PAWR: variants seen among roughly 807,000 people sequenced by gnomAD.
PAWR encodes PRKC apoptosis WT1 regulator protein.
Under a neutral mutation model 32.0 loss-of-function variants are expected in PAWR, and 23 were observed. The ratio of observed to expected loss-of-function variants is 0.72; its 90% confidence interval spans 0.52 to 1.02. PAWR has a LOEUF of 1.02. Among genes scored for constraint, PAWR ranks in the 50% least tolerant of loss-of-function variants. PAWR has a pLI of 0.00. For missense variants in PAWR, 457 were observed against 437.7 expected (o/e 1.04, Z -0.39); for synonymous variants, 226 against 187.1 (o/e 1.21, Z -1.70).
intron 3 of PAWR, among the ~76,000 whole-genome samples, 176 bp downstream of exon 3, chr12:79,620,900 T>C (rs1308575195): frequency 6.6e-6 from 1 of 151,722 alleles, no homozygotes; most frequent in Non-Finnish European, 1.5e-5. Context: ...GTGAAGAGAG[T>C]GTTCATGCTT....
intron 2 of PAWR, among the ~76,000 whole-genome samples, chr12:79,646,388 T>C (rs904613204): frequency 6.6e-6 from 1 of 152,178 alleles, no homozygotes; most frequent in African/African-American, 2.4e-5. Flanking sequence ...GAGACATCAG[T>C]AATAGTCAAG....
chr12:79,623,624 A>G (rs1419893186), intron 2 of PAWR, among the ~76,000 whole-genome samples: 1 of 135,770 alleles, frequency 7.4e-6, no homozygotes, highest in Non-Finnish European at 1.5e-5. Flanking sequence ...GCATGAAAAA[A>G]GCTATAAGAC....
At chr12:79,618,542 A>G (rs1185364204) in intron 3 of PAWR, among the ~76,000 whole-genome samples, 1 of 152,116 alleles carries the variant, frequency 6.6e-6, no homozygotes, top group African/African-American at 2.4e-5. Flanking sequence ...TATTCCTCCT[A>G]TCTAACTGTA....
chr12:79,613,952 T>C (rs1464267350), intron 3 of PAWR, among the ~76,000 whole-genome samples: 22 of 5,658 alleles, frequency 3.9e-3, no homozygotes, highest in African/African-American at 0.021. Flanking sequence ...TATATATATA[T>C]ATATATATAT....
chr12:79,683,738 T>C (rs975035853), intron 2 of PAWR, among the ~76,000 whole-genome samples: 4 of 152,174 alleles, frequency 2.6e-5, no homozygotes, highest in Non-Finnish European at 5.9e-5. Flanking sequence ...TGTTAGGTTT[T>C]TGCAAAAGTA....
Position 79,607,295 on chromosome 12 carries a change from AAAAG to A in PAWR, c.683+6276_683+6279del, listed in dbSNP as rs547878098. 1.1e-3 allele frequency among the ~76,000 whole-genome samples: 171 copies of A among 152,268 alleles called. 1 individual carries two copies. The highest frequency in any genetic ancestry group is 3.8e-3 in the African/African-American group (157 of 41,554). On this transcript the variant is annotated intron_variant, in intron 4 of 6. Transcript: ENST00000328827. Reference sequence around the variant, plus strand: ...CACAGTGAGACTCTGTCTTTAAAAAAAAAGAAAGAAAGAATAGATCTTGAAAGGA... The same window carrying A: ...CACAGTGAGACTCTGTCTTTAAAAAAAAAGAAAGAATAGATCTTGAAAGGA...
In PAWR at chr12:79,645,065, C is replaced by A. The variant is rs995168982; in HGVS notation, c.517-23858G>T. Among the ~76,000 whole-genome samples, 7 of 151,782 alleles carry A rather than the reference C, an allele frequency of 4.6e-5. No homozygotes were observed. The East Asian group carries it at 7.7e-4, about 17-fold the overall frequency. ...ACACACACACACACACACACACACA[C>A]ACAAAAATCAATGTGGAATAGGAAA... On this transcript the variant is annotated intron_variant, in intron 2 of 6. Coordinates refer to ENST00000328827, the MANE Select transcript of PAWR (RefSeq NM_002583.4).
chr12:79,629,434 C>T (rs1371053663), intron 2 of PAWR, among the ~76,000 whole-genome samples: 1 of 151,878 alleles, frequency 6.6e-6, no homozygotes. Context: ...ATCCAGAAGA[C>T]ACAGTTTTTA....
At chr12:79,687,399 C>T (rs1322939035) in intron 2 of PAWR, among the ~76,000 whole-genome samples, 2 of 152,112 alleles carry the variant, frequency 1.3e-5, no homozygotes, top group African/African-American at 2.4e-5. Flanking sequence ...ATAAGTACTT[C>T]CTTGAAGGAA....
intron 4 of PAWR, among the ~76,000 whole-genome samples, chr12:79,612,905 G>A (rs748863092): frequency 6.6e-6 from 1 of 152,306 alleles, no homozygotes; most frequent in Admixed American, 6.5e-5. Flanking sequence ...TACTCATTGT[G>A]TACAGGTGGT....
At chr12:79,668,320 C>T (rs1877712128) in intron 2 of PAWR, 1 of 152,242 alleles carries the variant, frequency 6.6e-6, no homozygotes, top group Non-Finnish European at 1.5e-5. Context: ...GCAAAAGCCA[C>T]CTGATGAAGT....
chr12:79,656,421 G>A lies in PAWR; in HGVS notation c.516+33308C>T, dbSNP rs571597356. 3.3e-5 allele frequency among the ~76,000 whole-genome samples: 5 copies of A among 152,210 alleles called. No individual in the cohort carries two copies. The East Asian group carries it at 5.8e-4, about 18-fold the overall frequency. On this transcript the variant is annotated intron_variant, in intron 2 of 6. Transcript: ENST00000328827. ...TCTAGAACTAAAATTGACAACATAC[G>A]GTGAATGGATGCGTAACATGGGGGT...
intron 3 of PAWR, among the ~76,000 whole-genome samples, chr12:79,616,056 C>CAAA (rs140963642): frequency 1.7e-4 from 12 of 72,320 alleles, no homozygotes; most frequent in African/African-American, 3.3e-4. Flanking sequence ...GACCCTGTCT[C>CAAA]AAAAAAAAAA....
At chr12:79,645,642 T>C (rs1437342241) in intron 2 of PAWR, among the ~76,000 whole-genome samples, 3 of 152,204 alleles carry the variant, frequency 2.0e-5, no homozygotes, top group Non-Finnish European at 4.4e-5. Flanking sequence ...CATCTTCCTT[T>C]AACAGTACTT....
At chr12:79,633,666 T>TA (rs1875823382) in intron 2 of PAWR, among the ~76,000 whole-genome samples, 1 of 152,168 alleles carries the variant, frequency 6.6e-6, no homozygotes, top group African/African-American at 2.4e-5. Flanking sequence ...GGAAAGGAGA[T>TA]ATATGAATTT....
At chr12:79,688,209 G>A (rs1423054658) in intron 2 of PAWR, among the ~76,000 whole-genome samples, 1 of 148,724 alleles carries the variant, frequency 6.7e-6, no homozygotes, top group African/African-American at 2.5e-5. Flanking sequence ...ACTTCCCCCA[G>A]TAAACATTAC....
chr12:79,662,201 C>CAAAAAAAAAAAAAAAAA (rs57565065), intron 2 of PAWR, among the ~76,000 whole-genome samples: 1 of 45,712 alleles, frequency 2.2e-5, no homozygotes, highest in Non-Finnish European at 5.0e-5. Flanking sequence ...AGACATCTCT[C>CAAAAAAAAAAAAAAAAA]AAAAAAAAAA....
chr12:79,673,747 T>G (rs2136861111), intron 2 of PAWR, among the ~76,000 whole-genome samples: 1 of 152,308 alleles, frequency 6.6e-6, no homozygotes, highest in Middle Eastern at 3.4e-3. Flanking sequence ...TTTTTATTCC[T>G]CATATAAGCA....
At chr12:79,611,152 A>G (rs946989148) in intron 4 of PAWR, among the ~76,000 whole-genome samples, 5 of 146,962 alleles carry the variant, frequency 3.4e-5, no homozygotes, top group Admixed American at 6.9e-5. Context: ...TTATATATAT[A>G]TATTTATATA....
Sources: gnomAD v4.1 joint callset for allele counts (sites outside exome capture counted in the v4.1 genomes callset) on GRCh38, gnomAD v4.1.1 for gene constraint, MANE v1.5 for transcripts, NCBI Gene and HGNC (gene_info 2026-07-23, HGNC 2026-07-21) for gene names.